The following NDUFA10 variants were observed in gnomAD, a reference collection of about 807,000 sequenced individuals.
NDUFA10 encodes NADH:ubiquinone oxidoreductase subunit A10.
In NDUFA10, 40 loss-of-function variants were observed where a neutral mutation model predicts 47.8. The observed-to-expected ratio is 0.84, with a 90% CI of 0.65 to 1.09. NDUFA10 has a LOEUF of 1.09. NDUFA10 is among the 50% of genes least tolerant of loss of function. The probability of loss-of-function intolerance (pLI) is 0.00; values close to 1 mark genes in which losing one functional copy is unlikely to be tolerated. For missense variants in NDUFA10, 413 were observed against 451.1 expected (o/e 0.92, Z 0.76); for synonymous variants, 183 against 172.2 (o/e 1.06, Z -0.49).
intron 4 of NDUFA10, among the ~76,000 whole-genome samples, chr2:239,934,909 T>G (rs1694239362): frequency 6.6e-6 from 1 of 152,106 alleles, no homozygotes. Context: ...CAATCCAAGC[T>G]CCCACTGGGG....
At chr2:239,977,473 C>T (rs714219) in intron 9 of NDUFA10, among the ~76,000 whole-genome samples, 19,715 of 152,152 alleles carry the variant, frequency 0.13, 1,335 homozygotes, top group East Asian at 0.24. Flanking sequence ...AGGCCCTTCA[C>T]GCAGGTGAGA....
chr2:239,936,271 A>G (rs1036445370), intron 4 of NDUFA10, among the ~76,000 whole-genome samples: 14 of 152,214 alleles, frequency 9.2e-5, no homozygotes, highest in Non-Finnish European at 1.8e-4. Flanking sequence ...GGCTTTCCTC[A>G]GGATGGCAGG....
At chr2:239,909,282 G>A (rs1693708744) in intron 4 of NDUFA10, among the ~76,000 whole-genome samples, 1 of 152,074 alleles carries the variant, frequency 6.6e-6, no homozygotes, top group Non-Finnish European at 1.5e-5. Context: ...ACTCCAGAAG[G>A]ATTAAAGACT....
At chr2:239,993,181 C>T (rs551864063) in intron 8 of NDUFA10, among the ~76,000 whole-genome samples, 1 of 152,346 alleles carries the variant, frequency 6.6e-6, no homozygotes, top group African/African-American at 2.4e-5. Context: ...TAAATAACTA[C>T]ATGAATGGTG....
In NDUFA10 at chr2:240,018,620, C is replaced by T; in HGVS notation, c.480G>A (p.Glu160=). The T allele has an allele frequency of 6.2e-7, 1 of 1,614,188 alleles. No individual in the cohort carries two copies. Among genetic ancestry groups the T allele is most frequent in the Middle Eastern group, 1.7e-4 (1 of 6,060 alleles). The part of the protein sequence containing the change: ...LLTTGQGVVL[E]RSIFSDFVFL... ...ACACAAAGTCACTGAAGATGGAGCG[C>T]TCCAACACAACACCTTGTCCTGTTT... The change falls in exon 4 of 10, where the codon GAG becomes GAA. Residue 160 remains glutamate (E), a synonymous_variant. Coordinates refer to ENST00000252711, the MANE Select transcript of NDUFA10 (RefSeq NM_004544.4).
At chr2:239,898,789 G>A (rs1262563419) in intron 4 of NDUFA10, among the ~76,000 whole-genome samples, 1 of 152,234 alleles carries the variant, frequency 6.6e-6, no homozygotes, top group African/African-American at 2.4e-5. Context: ...CACAGATGGG[G>A]CAAGGACCAC....
At chr2:239,908,226 A>T (rs1693689963) in intron 4 of NDUFA10, among the ~76,000 whole-genome samples, 1 of 151,842 alleles carries the variant, frequency 6.6e-6, no homozygotes, top group African/African-American at 2.4e-5. Flanking sequence ...GGTGGGGAAC[A>T]TCACACACCG....
At chr2:240,011,323 G>A (rs1200024537) in intron 6 of NDUFA10, among the ~76,000 whole-genome samples, 2 of 152,102 alleles carry the variant, frequency 1.3e-5, no homozygotes, top group African/African-American at 2.4e-5. Context: ...AGTTCTCTAT[G>A]GTAAAACCTG....
Position 239,959,696 on chromosome 2 carries a change from G to C in NDUFA10, c.*1422C>G. 4.7e-6 allele frequency: 4 copies of C among 846,950 alleles called. No homozygotes were observed. Among genetic ancestry groups the C allele is most frequent in the Non-Finnish European group, 5.7e-6 (4 of 707,566 alleles). The allele number at this position is 846,950 out of a possible 1,614,324, so 52.5% of individuals were successfully genotyped here. ...GAAGGAAGGAAGAGAAGGAGGGAAG[G>C]AAAGAGGCAGGGAGGAAAACAAGGA... On this transcript the variant is annotated 3_prime_UTR_variant, in exon 10 of 10. Transcript: ENST00000252711.
chr2:239,963,929 G>T (rs1694956944), intron 9 of NDUFA10, among the ~76,000 whole-genome samples: 1 of 152,178 alleles, frequency 6.6e-6, no homozygotes, highest in Admixed American at 6.5e-5. Flanking sequence ...GTCACCAGAT[G>T]GCCACTAGCT....
chr2:240,007,790 A>G (rs1697002890), intron 6 of NDUFA10, among the ~76,000 whole-genome samples: 1 of 152,132 alleles, frequency 6.6e-6, no homozygotes, highest in South Asian at 2.1e-4. Context: ...GGCAGAAGGC[A>G]TCTTTACACC....
At chr2:240,001,588 G>A (rs1696719927) in intron 8 of NDUFA10, among the ~76,000 whole-genome samples, 1 of 152,222 alleles carries the variant, frequency 6.6e-6, no homozygotes. Flanking sequence ...GGATCCTTCT[G>A]ACCTGGTTAT....
intron 4 of NDUFA10, among the ~76,000 whole-genome samples, chr2:239,919,441 A>T (rs1036433260): frequency 6.6e-6 from 1 of 151,858 alleles, no homozygotes; most frequent in Non-Finnish European, 1.5e-5. Context: ...GGGCAGGGGC[A>T]TCCTCACGGC....
In NDUFA10 at chr2:239,961,173, T is replaced by G. The variant is rs1694837233; in HGVS notation, c.1013A>C (p.Lys338Thr). The change falls in exon 10 of 10, where the codon AAG (lysine) becomes ACG (threonine). Residue 338 changes from lysine (K) to threonine (T), a missense_variant. Physicochemically the swap from Lys to Thr is moderately conservative, Grantham distance 78 (BLOSUM62 -1). Coordinates refer to ENST00000252711, the MANE Select transcript of NDUFA10 (RefSeq NM_004544.4). ...LHQFRELPGR[K>T]YSPGYNTEVG... is the part of the protein sequence containing the mutation. The stretch of plus-strand genomic sequence containing the variant: ...CTCGGTGTTGTACCCAGGGCTGTAC[T>G]TGCGGCCCGGCAGCTGTGGGGGAAA... The G allele has an allele frequency of 6.2e-7, 1 of 1,610,788 alleles. No homozygotes were observed. The highest frequency in any genetic ancestry group is 1.1e-5 in the South Asian group (1 of 90,974).
At chr2:239,937,941 C>T (rs1453815020) in intron 4 of NDUFA10, among the ~76,000 whole-genome samples, 2 of 152,146 alleles carry the variant, frequency 1.3e-5, no homozygotes, top group African/African-American at 2.4e-5. Context: ...CCCAATGTGC[C>T]ACACTGTCAC....
intron 9 of NDUFA10, among the ~76,000 whole-genome samples, chr2:239,977,260 G>C (rs1278179171): frequency 1.3e-5 from 2 of 152,298 alleles, no homozygotes; most frequent in Non-Finnish European, 2.9e-5. Context: ...CCATTGGCAG[G>C]TGCAGGTGGG....
chr2:239,969,039 G>A (rs1026907794), intron 9 of NDUFA10, among the ~76,000 whole-genome samples: 1 of 152,184 alleles, frequency 6.6e-6, no homozygotes, highest in Admixed American at 6.5e-5. Context: ...TTCTAACACA[G>A]TTCAAAGGAA....
chr2:239,923,586 A>C (rs902414369), intron 4 of NDUFA10, among the ~76,000 whole-genome samples: 20 of 152,190 alleles, frequency 1.3e-4, no homozygotes, highest in Non-Finnish European at 2.4e-4. Context: ...AGAAATAAAA[A>C]CACACACATC....
At chr2:239,991,252 C>T (rs949738341) in intron 8 of NDUFA10, among the ~76,000 whole-genome samples, 5 of 152,074 alleles carry the variant, frequency 3.3e-5, no homozygotes, top group South Asian at 2.1e-4. Context: ...GATGAGTGGA[C>T]GGTAGGTATA....
Sources: allele counts gnomAD v4.1 joint callset (sites outside exome capture counted in the v4.1 genomes callset), GRCh38; gene constraint gnomAD v4.1.1; transcripts MANE v1.5; gene names NCBI Gene and HGNC (gene_info 2026-07-23, HGNC 2026-07-21).